Variants in MRPS31 observed in about 807,000 individuals in gnomAD.
MRPS31 encodes small ribosomal subunit protein mS31.
A neutral mutation model predicts 43.1 loss-of-function variants in MRPS31; 32 were observed. The observed-to-expected ratio is 0.74, with a 90% CI of 0.56 to 1.00. The LOEUF is 1.00. MRPS31 is among the 50% of genes least tolerant of loss of function. The pLI is 0.00. For missense variants in MRPS31, 437 were observed against 466.7 expected (o/e 0.94, Z 0.59); for synonymous variants, 165 against 161.6 (o/e 1.02, Z -0.16).
chr13:40,729,730 ATTTTT>A (rs35753575), intron 6 of MRPS31, 129 bp from the exon 7 acceptor site: 4 of 525,716 alleles, frequency 7.6e-6, no homozygotes, highest in Admixed American at 3.4e-5. Context: ...CCTAGGTTGC[ATTTTT>A]TTTTTTTTTT....
chr13:40,730,945 T>C (rs1879674268), intron 6 of MRPS31: 1 of 151,814 alleles, frequency 6.6e-6, no homozygotes, highest in African/African-American at 2.4e-5. Context: ...GATGGAATTG[T>C]GAAAAATGTT....
intron 6 of MRPS31, among the ~76,000 whole-genome samples, chr13:40,745,844 A>G (rs1347991333): frequency 6.6e-6 from 1 of 152,204 alleles, no homozygotes; most frequent in East Asian, 1.9e-4. Context: ...AGTTAAAATC[A>G]AAGTAGAGGC....
chr13:40,754,476 A>G (rs944196647), intron 4 of MRPS31, among the ~76,000 whole-genome samples: 3 of 152,246 alleles, frequency 2.0e-5, no homozygotes, highest in East Asian at 3.8e-4. Context: ...GGCAGAAAAC[A>G]CTGCAATGTT....
intron 3 of MRPS31, 29 bp downstream of exon 3, chr13:40,758,919 T>G (rs774597078): frequency 6.6e-7 from 1 of 1,517,544 alleles, no homozygotes; most frequent in Non-Finnish European, 8.8e-7. Flanking sequence ...GATATAAACA[T>G]TACTGACTTA....
intron 2 of MRPS31, among the ~76,000 whole-genome samples, chr13:40,761,108 A>T (rs1475348790): frequency 2.0e-5 from 3 of 147,086 alleles, no homozygotes; most frequent in Non-Finnish European, 4.5e-5. Flanking sequence ...AAAAGAAAAG[A>T]AAAAAAAAAA....
At chr13:40,746,622 T>C (rs1880246594) in intron 6 of MRPS31, among the ~76,000 whole-genome samples, 1 of 152,156 alleles carries the variant, frequency 6.6e-6, no homozygotes, top group Non-Finnish European at 1.5e-5. Flanking sequence ...ACTCAAGATT[T>C]TGATGCACTT....
chr13:40,729,140 G>A lies in MRPS31; in HGVS notation c.*232C>T. 1 of 338,710 alleles carries A rather than the reference G, an allele frequency of 3.0e-6. No individual in the cohort carries two copies. The highest frequency in any genetic ancestry group is 5.7e-5 in the East Asian group (1 of 17,566). 21.0% of individuals were successfully genotyped at this position (338,710 alleles called of 1,614,324 possible). ...GAAAAGAAAAAGGTTAGGAGTTGTT[G>A]TCTTAAATGTATTACTAATTCCCAG... On this transcript the variant is annotated 3_prime_UTR_variant, in exon 7 of 7. Transcript: ENST00000323563.
chr13:40,732,999 T>G (rs1292856689), intron 6 of MRPS31, among the ~76,000 whole-genome samples: 3 of 133,948 alleles, frequency 2.2e-5, no homozygotes, highest in African/African-American at 8.4e-5. Flanking sequence ...ATTTGGTTTT[T>G]TTTTTTTTTT....
intron 6 of MRPS31, among the ~76,000 whole-genome samples, chr13:40,748,861 G>C (rs991628305): frequency 4.6e-5 from 7 of 152,176 alleles, no homozygotes; most frequent in African/African-American, 1.7e-4. Context: ...TAGAAAACTG[G>C]TATCATTTGC....
intron 6 of MRPS31, among the ~76,000 whole-genome samples, chr13:40,743,176 A>T (rs1198338637): frequency 6.6e-6 from 1 of 152,070 alleles, no homozygotes; most frequent in South Asian, 2.1e-4. Context: ...TTAGCTGGGC[A>T]TGGTGGCAGG....
Position 40,733,788 on chromosome 13 carries a change from T to C in MRPS31, c.959-4187A>G, listed in dbSNP as rs545936554. ...GAGTTCACGACCAGCCTGGGTAACATAGTAAAACCCCGTCCCTAATAAAAA... is the reference window on the plus strand; with the variant it reads ...GAGTTCACGACCAGCCTGGGTAACACAGTAAAACCCCGTCCCTAATAAAAA... On this transcript the variant is annotated intron_variant, in intron 6 of 6. Transcript: ENST00000323563. Among the ~76,000 whole-genome samples the C allele has an allele frequency of 3.5e-4, 53 of 151,706 alleles. No homozygotes were observed. The South Asian group carries it at 9.4e-3, about 27-fold the overall frequency.
chr13:40,736,763 A>C (rs1444554765), intron 6 of MRPS31, among the ~76,000 whole-genome samples: 4 of 147,946 alleles, frequency 2.7e-5, no homozygotes, highest in Admixed American at 6.8e-5. Flanking sequence ...GCCTGCCCTA[A>C]AAGAGCTCCT....
chr13:40,762,831 TG>T, intron 2 of MRPS31, among the ~76,000 whole-genome samples: 1 of 96,304 alleles, frequency 1.0e-5, no homozygotes. Context: ...TGTGTGTGTG[TG>T]TGTGTGTGTT....
At chr13:40,732,291 T>A (rs886955767) in intron 6 of MRPS31, among the ~76,000 whole-genome samples, 4 of 152,208 alleles carry the variant, frequency 2.6e-5, no homozygotes, top group African/African-American at 9.7e-5. Flanking sequence ...ACAAACAGCT[T>A]TTCATGGCCT....
chr13:40,752,086 C>A (rs1880405950), intron 5 of MRPS31, among the ~76,000 whole-genome samples: 1 of 151,740 alleles, frequency 6.6e-6, no homozygotes, highest in Non-Finnish European at 1.5e-5. Context: ...TGTAATGGTA[C>A]AATCTTGGCT....
chr13:40,748,099 T>C (rs1180383901), intron 6 of MRPS31, among the ~76,000 whole-genome samples: 1 of 152,186 alleles, frequency 6.6e-6, no homozygotes, highest in Non-Finnish European at 1.5e-5. Context: ...CTAAGACTTA[T>C]TTAGGCTTTT....
At chr13:40,735,075 C>G (rs7337330) in intron 6 of MRPS31, among the ~76,000 whole-genome samples, 6 of 151,880 alleles carry the variant, frequency 4.0e-5, no homozygotes, top group Non-Finnish European at 8.8e-5. Flanking sequence ...AGTGGGTGCG[C>G]GCACCTTGCG....
chr13:40,758,825 TG>T, intron 3 of MRPS31, 122 bp downstream of exon 3: 1 of 896,664 alleles, frequency 1.1e-6, no homozygotes, highest in Non-Finnish European at 1.5e-6. Context: ...TAAAATTATG[TG>T]GTATATTTTA....
intron 3 of MRPS31, among the ~76,000 whole-genome samples, chr13:40,757,370 G>A (rs1450486175): frequency 6.7e-6 from 1 of 149,362 alleles, no homozygotes; most frequent in Non-Finnish European, 1.5e-5. Context: ...ATATTTATTT[G>A]TTGCTTTTTA....
Sources: allele counts gnomAD v4.1 joint callset (sites outside exome capture counted in the v4.1 genomes callset), GRCh38; gene constraint gnomAD v4.1.1; transcripts MANE v1.5; gene names NCBI Gene and HGNC (gene_info 2026-07-23, HGNC 2026-07-21).